PCDH15: variants seen among roughly 807,000 people sequenced by gnomAD.
PCDH15 encodes the protein protocadherin-15.
A neutral mutation model predicts 178.5 loss-of-function variants in PCDH15; 129 were observed. The observed-to-expected ratio is 0.72, with a 90% confidence interval of 0.63 to 0.84. PCDH15 has a LOEUF of 0.84. PCDH15 is among the 40% of genes least tolerant of loss of function. The pLI, the probability that PCDH15 is intolerant of heterozygous loss-of-function variation, is 0.00. For missense variants in PCDH15, 2,230 were observed against 2,099.9 expected (o/e 1.06, Z -1.21); for synonymous variants, 800 against 732.0 (o/e 1.09, Z -1.50).
intron 2 of PCDH15, among the ~76,000 whole-genome samples, chr10:54,554,185 A>C (rs12768863): frequency 0.27 from 41,300 of 151,684 alleles, 5,733 homozygotes; most frequent in Admixed American, 0.36. Flanking sequence ...CTTTTGCCTT[A>C]CTCCATTTTC....
At chr10:55,418,186 G>A (rs1160256336) in intron 2 of PCDH15, among the ~76,000 whole-genome samples, 1 of 151,706 alleles carries the variant, frequency 6.6e-6, no homozygotes, top group African/African-American at 2.4e-5. Context: ...TAATGAAAGT[G>A]ACTTTTTTAC....
intron 2 of PCDH15, among the ~76,000 whole-genome samples, chr10:55,471,333 T>C (rs986796631): frequency 6.6e-6 from 1 of 152,192 alleles, no homozygotes; most frequent in African/African-American, 2.4e-5. Flanking sequence ...AAGATTTTTA[T>C]TAAGAACCAA....
At chr10:53,867,862 C>T (rs1319193968) in intron 26 of PCDH15, among the ~76,000 whole-genome samples, 1 of 152,028 alleles carries the variant, frequency 6.6e-6, no homozygotes, top group Non-Finnish European at 1.5e-5. Context: ...AGTTAGAATA[C>T]TATCCGACTT....
At chr10:54,425,315 A>G (rs1012749095) in intron 3 of PCDH15, among the ~76,000 whole-genome samples, 5 of 152,072 alleles carry the variant, frequency 3.3e-5, no homozygotes, top group African/African-American at 1.2e-4. Context: ...GTGGATATAT[A>G]AGAAGGGGAA....
At chr10:54,534,929 G>A (rs762092778) in intron 2 of PCDH15, among the ~76,000 whole-genome samples, 1 of 152,100 alleles carries the variant, frequency 6.6e-6, no homozygotes, top group Non-Finnish European at 1.5e-5. Context: ...AAAATCAATG[G>A]AACAATAATC....
chr10:55,533,971 A>G (rs544031637), intron 2 of PCDH15, among the ~76,000 whole-genome samples: 1 of 152,198 alleles, frequency 6.6e-6, no homozygotes, highest in African/African-American at 2.4e-5. Context: ...GACCAAAGCA[A>G]GCAATGGGGA....
chr10:54,488,986 A>G (rs1309636052), intron 3 of PCDH15, among the ~76,000 whole-genome samples: 1 of 152,026 alleles, frequency 6.6e-6, no homozygotes, highest in Non-Finnish European at 1.5e-5. Context: ...TAATAAATTA[A>G]TCTTGAATTA....
chr10:55,350,266 TATACACACACACACACACACATAC>T (rs1844886505), intron 2 of PCDH15, among the ~76,000 whole-genome samples: 2 of 58,986 alleles, frequency 3.4e-5, no homozygotes, highest in African/African-American at 1.0e-4. Flanking sequence ...TATATATATA[TATACACACACACACACACACATAC>T]ATACACACAC....
At chr10:54,104,793 C>T (rs546477559) in intron 15 of PCDH15, among the ~76,000 whole-genome samples, 4 of 138,218 alleles carry the variant, frequency 2.9e-5, no homozygotes, top group Admixed American at 1.6e-4. Flanking sequence ...GCCAAGATCG[C>T]GCCACTGCAC....
intron 2 of PCDH15, among the ~76,000 whole-genome samples, chr10:55,145,376 A>G (rs1838478002): frequency 6.6e-6 from 1 of 152,042 alleles, no homozygotes; most frequent in African/African-American, 2.4e-5. Flanking sequence ...TATGACGGAT[A>G]GGGAAAAAAT....
At chr10:55,177,414 A>C (rs1387952918) in intron 1 of PCDH15, among the ~76,000 whole-genome samples, 3 of 152,124 alleles carry the variant, frequency 2.0e-5, no homozygotes, top group Non-Finnish European at 4.4e-5. Flanking sequence ...ATCAGAAAGG[A>C]AGAGAATGGC....
At chr10:53,921,890 C>G (rs2084029966) in intron 25 of PCDH15, among the ~76,000 whole-genome samples, 1 of 152,108 alleles carries the variant, frequency 6.6e-6, no homozygotes, top group African/African-American at 2.4e-5. Flanking sequence ...GGACACCATA[C>G]CTCCCTATTT....
intron 20 of PCDH15, among the ~76,000 whole-genome samples, chr10:54,009,613 G>A (rs975526788): frequency 1.3e-5 from 2 of 152,200 alleles, no homozygotes; most frequent in East Asian, 1.9e-4. Context: ...TCCAGGTGGA[G>A]ACACACTGGA....
chr10:55,607,345 C>G (rs1478066116), intron 2 of PCDH15, among the ~76,000 whole-genome samples: 35 of 149,142 alleles, frequency 2.3e-4, no homozygotes, highest in Admixed American at 1.1e-3. Flanking sequence ...TGTGGCGATT[C>G]CTCAGGGATC....
chr10:55,187,248 C>T (rs915988927), intron 1 of PCDH15, among the ~76,000 whole-genome samples: 3 of 151,938 alleles, frequency 2.0e-5, no homozygotes, highest in Non-Finnish European at 4.4e-5. Flanking sequence ...AATACTATTA[C>T]ATAGAGGATA....
intron 4 of PCDH15, among the ~76,000 whole-genome samples, chr10:54,374,414 T>C (rs1948110351): frequency 6.6e-6 from 1 of 152,088 alleles, no homozygotes; most frequent in Non-Finnish European, 1.5e-5. Context: ...ATAAGTATTA[T>C]AGGACTGTAC....
At chr10:55,610,514 A>T (rs572029465) in intron 2 of PCDH15, among the ~76,000 whole-genome samples, 1 of 152,228 alleles carries the variant, frequency 6.6e-6, no homozygotes, top group African/African-American at 2.4e-5. Context: ...ACATTTTGGT[A>T]GATGGTAAAG....
intron 2 of PCDH15, among the ~76,000 whole-genome samples, chr10:55,163,982 C>G (rs1839128377): frequency 6.6e-6 from 1 of 152,118 alleles, no homozygotes; most frequent in Non-Finnish European, 1.5e-5. Context: ...CTTAATAAAT[C>G]AATTCTTGTA....
At chr10:55,568,732 C>T (rs1842352075) in intron 2 of PCDH15, among the ~76,000 whole-genome samples, 1 of 152,034 alleles carries the variant, frequency 6.6e-6, no homozygotes, top group Non-Finnish European at 1.5e-5. Flanking sequence ...ACAGATTCCA[C>T]ACTCAGAAGT....
Sources: allele counts gnomAD v4.1 joint callset (sites outside exome capture counted in the v4.1 genomes callset), GRCh38; gene constraint gnomAD v4.1.1; transcripts MANE v1.5; gene names NCBI Gene and HGNC (gene_info 2026-07-23, HGNC 2026-07-21).